SDHA: variants seen among roughly 807,000 people sequenced by gnomAD.
The protein encoded by SDHA is succinate dehydrogenase [ubiquinone] flavoprotein subunit, mitochondrial.
In SDHA, 48 loss-of-function variants were observed where a neutral mutation model predicts 78.4. The ratio of observed to expected loss-of-function variants is 0.61; its 90% CI spans 0.49 to 0.78. The LOEUF (loss-of-function observed/expected upper bound fraction) is 0.78, where lower values mean the gene tolerates loss of function less well. SDHA is among the 30% of genes least tolerant of loss of function. The pLI, the probability that SDHA is intolerant of heterozygous loss-of-function variation, is 0.00. For missense variants in SDHA, 680 were observed against 892.7 expected (o/e 0.76, Z 3.04); for synonymous variants, 326 against 353.9 (o/e 0.92, Z 0.88).
intron 7 of SDHA, among the ~76,000 whole-genome samples, chr5:232,002 C>T (rs1735432157): frequency 1.4e-5 from 2 of 144,556 alleles, no homozygotes; most frequent in South Asian, 4.2e-4. Flanking sequence ...GGAGGAGGTT[C>T]TTCAGAATGA....
At chr5:226,173 G>A (rs1735013604) in intron 5 of SDHA, 126 bp downstream of exon 5, 6 of 1,067,786 alleles carry the variant, frequency 5.6e-6, no homozygotes, top group African/African-American at 1.6e-5. Context: ...GAGAACAGCA[G>A]CGTGGGGCGC....
At chr5:265,907 C>T in the SDHA span, among the ~76,000 whole-genome samples, 3 of 152,180 alleles carry the variant, frequency 2.0e-5, no homozygotes, top group East Asian at 1.9e-4. Flanking sequence ...GGACCCTACC[C>T]GAGACCTTCC....
chr5:225,704 TTA>T lies in SDHA; in HGVS notation c.456+144_456+145del. ...AGTTCACAAGAAGAGTCTTTTTCCGTTATGAACTATGCATTATATGTAACAAG... is the reference window on the plus strand; with the variant it reads ...AGTTCACAAGAAGAGTCTTTTTCCGTTGAACTATGCATTATATGTAACAAG... On this transcript the variant is annotated intron_variant, in intron 4 of 14. Coordinates refer to ENST00000264932, the MANE Select transcript of SDHA (RefSeq NM_004168.4). The T allele has an allele frequency of 2.9e-6, 4 of 1,359,660 alleles. No individual in the cohort carries two copies. The South Asian group carries it at 4.8e-5, about 16-fold the overall frequency. The allele number at this position is 1,359,660 out of a possible 1,614,324, so 84.2% of individuals were successfully genotyped here. A position where few individuals can be genotyped will look rare whatever the true frequency, so the allele number is the denominator to read the frequency against.
chr5:237,969 A>G lies in SDHA; in HGVS notation c.1432+1370A>G, dbSNP rs1735886982. Among the ~76,000 whole-genome samples the G allele has an allele frequency of 1.5e-5, 2 of 136,204 alleles. 1 individual carries two copies. The highest frequency in any genetic ancestry group is 7.0e-5 in the African/African-American group (2 of 28,616). The allele number at this position is 136,204 out of a possible 152,430, so 89.4% of individuals were successfully genotyped here. A position where few individuals can be genotyped will look rare whatever the true frequency, so the allele number is the denominator to read the frequency against. ...GCAGGTAGTGCTTGTCTCACTCCATAGCCCTGCACTTTGTCGCAGTGAGGA... is the reference window on the plus strand; with the variant it reads ...GCAGGTAGTGCTTGTCTCACTCCATGGCCCTGCACTTTGTCGCAGTGAGGA... On this transcript the variant is annotated intron_variant, in intron 10 of 14. Transcript: ENST00000264932.
chr5:222,727 G>C (rs1332646842), intron 1 of SDHA, among the ~76,000 whole-genome samples: 2 of 152,180 alleles, frequency 1.3e-5, no homozygotes, highest in African/African-American at 4.8e-5. Context: ...TCCCCTAAAT[G>C]GCTGGCCAAC....
rs1060503719 is a variant in SDHA at position 256,413 on chromosome 5, C to T, written c.1988C>T (p.Ser663Phe). Residue 663 changes from serine to phenylalanine, a missense_variant, in exon 15 of 15, where the codon TCC (serine) becomes TTC (phenylalanine). Transcript: ENST00000264932. ...GCCACCGTCCCGCCAGCCATTCGCT[C>T]CTACTGATGAGACAAGATGTGGTGA... ...DCATVPPAIR[S>F]Y The T allele has an allele frequency of 5.6e-6, 9 of 1,612,570 alleles. No individual in the cohort carries two copies. Among genetic ancestry groups the T allele is most frequent in the Non-Finnish European group, 7.6e-6 (9 of 1,178,580 alleles).
At chr5:230,780 G>C in intron 6 of SDHA, 96 bp from the exon 7 acceptor site, 1 of 1,523,148 alleles carries the variant, frequency 6.6e-7, no homozygotes, top group Non-Finnish European at 9.1e-7. Flanking sequence ...CTGAGAAGAC[G>C]GTGCTGGGGG....
chr5:246,861 T>C (rs532548180), intron 11 of SDHA, among the ~76,000 whole-genome samples: 76 of 152,368 alleles, frequency 5.0e-4, no homozygotes, highest in Non-Finnish European at 9.6e-4. Flanking sequence ...TTAAATTACA[T>C]GGATATGATC....
chr5:228,890 A>G (rs76038312), intron 6 of SDHA, among the ~76,000 whole-genome samples: 5,125 of 152,288 alleles, frequency 0.034, 153 homozygotes, highest in Middle Eastern at 0.058. Flanking sequence ...TAGCAAAAAA[A>G]AAACCCTACT....
Position 254,591 on chromosome 5 carries a change from G to A in SDHA, c.1908+85G>A, listed in dbSNP as rs6864807. ...CGGGCTGGCCTTGCTGATGGTGAAC[G>A]GGGAAGAGCAGGCCAGATTTAAATC... On this transcript the variant is annotated intron_variant, in intron 14 of 14. Coordinates refer to ENST00000264932, the MANE Select transcript of SDHA (RefSeq NM_004168.4). 81,683 of 1,410,738 alleles carry A rather than the reference G, an allele frequency of 0.058. 10,380 individuals are homozygous for A. Among genetic ancestry groups the A allele is most frequent in the African/African-American group, 0.44 (25,984 of 58,690 alleles). 87.4% of individuals were successfully genotyped at this position (1,410,738 alleles called of 1,614,324 possible). A position where few individuals can be genotyped will look rare whatever the true frequency, so the allele number is the denominator to read the frequency against.
At chr5:224,183 G>T (rs1734873999) in intron 2 of SDHA, among the ~76,000 whole-genome samples, 177 bp from the exon 3 acceptor site, 1 of 152,178 alleles carries the variant, frequency 6.6e-6, no homozygotes, top group African/African-American at 2.4e-5. Context: ...CCTTCTCCAG[G>T]TGCGAATGTG....
Position 240,718 on chromosome 5 carries a change from A to G in SDHA, c.1551+242A>G, listed in dbSNP as rs528405530. On this transcript the variant is annotated intron_variant, in intron 11 of 14. Coordinates refer to ENST00000264932, the MANE Select transcript of SDHA (RefSeq NM_004168.4). ...TGGAGCTCCCAGTCTCTGCTACTCC[A>G]CTCCATGTGTCCATGTGTACTCACC... 2.7e-5 allele frequency among the ~76,000 whole-genome samples: 4 copies of G among 150,810 alleles called. No individual in the cohort carries two copies. The East Asian group carries it at 7.8e-4, about 30-fold the overall frequency.
intron 11 of SDHA, among the ~76,000 whole-genome samples, chr5:246,318 C>G (rs1022035302): frequency 6.6e-5 from 10 of 151,706 alleles, no homozygotes; most frequent in African/African-American, 2.4e-4. Context: ...TGCAGCTGAT[C>G]GAAAAGCAAG....
At chr5:225,015 T>C (rs1490452570) in intron 3 of SDHA, among the ~76,000 whole-genome samples, 1 of 152,196 alleles carries the variant, frequency 6.6e-6, no homozygotes, top group Non-Finnish European at 1.5e-5. Flanking sequence ...GAAGCACTTC[T>C]AGTCTTTAAC....
chr5:235,356 C>CAA lies in SDHA; in HGVS notation c.1260+17_1260+18insAA. 1 of 1,613,704 alleles carries CAA rather than the reference C, an allele frequency of 6.2e-7. No individual in the cohort carries two copies. Among genetic ancestry groups the CAA allele is most frequent in the Non-Finnish European group, 8.5e-7 (1 of 1,179,570 alleles). On this transcript the variant is annotated intron_variant, in intron 9 of 14. Transcript: ENST00000264932. ...AAGGGGCAGGTGATGGTGCTGGCTC[C>CAA]TCCCCCACAGCTGGAAAGAAGGCTG...
chr5:241,170 G>C (rs533288610), intron 11 of SDHA, among the ~76,000 whole-genome samples: 1 of 152,284 alleles, frequency 6.6e-6, no homozygotes, highest in East Asian at 1.9e-4. Flanking sequence ...TGGTTCACTC[G>C]TGTGTGCTTG....
In SDHA at chr5:225,813, T is replaced by C; in HGVS notation, c.457-70T>C. On this transcript the variant is annotated intron_variant, in intron 4 of 14. Coordinates refer to ENST00000264932, the MANE Select transcript of SDHA (RefSeq NM_004168.4). The stretch of plus-strand genomic sequence containing the variant: ...GCAGATTTGTGTTAAACTTGTTTAG[T>C]GTAGATTAGCTGCGAATATCTTGAC... 3.2e-6 allele frequency: 5 copies of C among 1,578,638 alleles called. No homozygotes were observed. The South Asian group carries it at 5.5e-5, about 18-fold the overall frequency.
chr5:233,072 G>T lies in SDHA; in HGVS notation c.896-405G>T, dbSNP rs936815144. On this transcript the variant is annotated intron_variant, in intron 7 of 14. Transcript: ENST00000264932. ...TAAAATAATCATTATTACTGTCCTT[G>T]TCACTGTTTGGATAATTTAGATATG... 2.3e-4 allele frequency among the ~76,000 whole-genome samples: 35 copies of T among 152,184 alleles called. 1 individual carries two copies. Among genetic ancestry groups the T allele is most frequent in the Admixed American group, 5.9e-4 (9 of 15,276 alleles).
At position 237,465 on chromosome 5, in the gene SDHA, C is replaced by A. The variant is rs1400774070; in HGVS notation, c.1432+866C>A. The stretch of plus-strand genomic sequence containing the variant: ...CAAATAATGTGCAGTAAAGGAAATA[C>A]CATGTGTGGGAGTGTGAGTCTTACG... On this transcript the variant is annotated intron_variant, in intron 10 of 14. Transcript: ENST00000264932. 1.5e-5 allele frequency among the ~76,000 whole-genome samples: 2 copies of A among 132,408 alleles called. 1 individual carries two copies. Among genetic ancestry groups the A allele is most frequent in the African/African-American group, 7.5e-5 (2 of 26,682 alleles). 86.9% of individuals were successfully genotyped at this position (132,408 alleles called of 152,430 possible).
Sources: gnomAD v4.1 joint callset for allele counts (sites outside exome capture counted in the v4.1 genomes callset) on GRCh38, gnomAD v4.1.1 for gene constraint, MANE v1.5 for transcripts, NCBI Gene and HGNC (gene_info 2026-07-23, HGNC 2026-07-21) for gene names.